The following EHMT1 variants were observed in gnomAD, a reference collection of about 807,000 sequenced individuals.
EHMT1 encodes histone-lysine N-methyltransferase EHMT1.
Under a neutral mutation model 147.2 loss-of-function variants are expected in EHMT1, and 15 were observed. The ratio of observed to expected loss-of-function variants is 0.10; its 90% CI spans 0.07 to 0.16. The LOEUF (loss-of-function observed/expected upper bound fraction) is 0.16, where lower values mean the gene tolerates loss of function less well. EHMT1 is among the 10% of genes least tolerant of loss of function. The probability of loss-of-function intolerance (pLI) is 1.00; values close to 1 mark genes in which losing one functional copy is unlikely to be tolerated. For missense variants in EHMT1, 1,587 were observed against 1,772.4 expected, an observed-to-expected ratio of 0.90 and a Z score of 1.88; for synonymous variants, 795 against 709.6, an observed-to-expected ratio of 1.12 and a Z score of -1.91.
At chr9:137,714,177 A>T (rs1014621068) in intron 2 of EHMT1, among the ~76,000 whole-genome samples, 5 of 152,144 alleles carry the variant, frequency 3.3e-5, no homozygotes, top group African/African-American at 1.2e-4. Context: ...TACAGGGTTG[A>T]ATAGAAGTGG....
At chr9:137,832,876 A>G (rs531063442) in intron 25 of EHMT1, 1 of 152,376 alleles carries the variant, frequency 6.6e-6, no homozygotes, top group East Asian at 1.9e-4. Context: ...TGCATTCTGC[A>G]CGAGGAGGGG....
At chr9:137,704,182 C>T (rs10867054) in intron 1 of EHMT1, among the ~76,000 whole-genome samples, 30,840 of 152,090 alleles carry the variant, frequency 0.2, 3,438 homozygotes, top group Admixed American at 0.32. Context: ...CCCCAATATT[C>T]GGGATTACAG....
At chr9:137,797,109 C>T (rs1428408964) in intron 16 of EHMT1, among the ~76,000 whole-genome samples, 1 of 152,006 alleles carries the variant, frequency 6.6e-6, no homozygotes, top group Admixed American at 6.6e-5. Context: ...ATAGTGATAA[C>T]TTCTCGGAAG....
chr9:137,631,705 G>A (rs139589774), intron 1 of EHMT1, among the ~76,000 whole-genome samples: 3 of 151,974 alleles, frequency 2.0e-5, no homozygotes, highest in African/African-American at 7.3e-5. Flanking sequence ...ATGAGACCCT[G>A]TCTCTACAAA....
intron 3 of EHMT1, among the ~76,000 whole-genome samples, chr9:137,717,619 A>AAAAAAAG (rs999221109): frequency 6.9e-6 from 1 of 144,468 alleles, no homozygotes; most frequent in Non-Finnish European, 1.5e-5. Flanking sequence ...AAAAAAAAAA[A>AAAAAAAG]AAAAAAAGAG....
At chr9:137,780,350 A>C (rs1014129635) in intron 14 of EHMT1, among the ~76,000 whole-genome samples, 1 of 76,926 alleles carries the variant, frequency 1.3e-5, no homozygotes, top group African/African-American at 5.2e-5. Context: ...GATGACGCTG[A>C]GACGTGTGGT....
chr9:137,657,491 C>T (rs2134027929), intron 1 of EHMT1, among the ~76,000 whole-genome samples: 1 of 146,834 alleles, frequency 6.8e-6, no homozygotes, highest in Admixed American at 6.8e-5. Flanking sequence ...GCCAGTGCAC[C>T]TGGTTGCTTT....
intron 6 of EHMT1, 46 bp downstream of exon 6, chr9:137,744,136 AAAGTT>A (rs750503532): frequency 6.2e-7 from 1 of 1,610,162 alleles, no homozygotes; most frequent in South Asian, 1.1e-5. Flanking sequence ...AGAGCATCAC[AAAGTT>A]GGCCGTGGTT....
At chr9:137,703,566 G>A (rs1400331624) in intron 1 of EHMT1, among the ~76,000 whole-genome samples, 2 of 152,056 alleles carry the variant, frequency 1.3e-5, no homozygotes, top group African/African-American at 4.8e-5. Flanking sequence ...CTTAGAGCAG[G>A]GACACAGTGC....
chr9:137,684,104 C>T (rs575198237), intron 1 of EHMT1, among the ~76,000 whole-genome samples: 7 of 151,976 alleles, frequency 4.6e-5, no homozygotes, highest in Admixed American at 2.6e-4. Flanking sequence ...GTTGCAGTCA[C>T]GGCTCACTGT....
intron 8 of EHMT1, among the ~76,000 whole-genome samples, chr9:137,756,829 T>C (rs1949412806): frequency 6.6e-6 from 1 of 152,258 alleles, no homozygotes; most frequent in African/African-American, 2.4e-5. Flanking sequence ...CGTTTAAAAC[T>C]ATACAAAGTG....
In EHMT1 at chr9:137,832,423, A is replaced by T. The variant is rs115681238; in HGVS notation, c.3541-1926A>T. Reference sequence around the variant, plus strand: ...GCCCCGCCTCCCACGTGGCCACTGCACTTTGCTCCCATCCTAGGATTGGCT... The same window carrying T: ...GCCCCGCCTCCCACGTGGCCACTGCTCTTTGCTCCCATCCTAGGATTGGCT... On this transcript the variant is annotated intron_variant, in intron 25 of 26. Coordinates refer to ENST00000460843, the MANE Select transcript of EHMT1 (RefSeq NM_024757.5). Among the ~76,000 whole-genome samples, 207 of 124,618 alleles carry T rather than the reference A, an allele frequency of 1.7e-3. 6 individuals are homozygous for T. The highest frequency in any genetic ancestry group is 6.3e-3 in the African/African-American group (195 of 31,078). 81.8% of individuals were successfully genotyped at this position (124,618 alleles called of 152,430 possible).
intron 16 of EHMT1, among the ~76,000 whole-genome samples, 184 bp from the exon 17 acceptor site, chr9:137,798,629 G>A (rs952199920): frequency 6.6e-6 from 1 of 152,144 alleles, no homozygotes; most frequent in Non-Finnish European, 1.5e-5. Flanking sequence ...GGGCCACAGG[G>A]GGCTGCACAC....
At chr9:137,670,269 C>T (rs1184598499) in intron 1 of EHMT1, among the ~76,000 whole-genome samples, 2 of 152,060 alleles carry the variant, frequency 1.3e-5, no homozygotes, top group Admixed American at 6.6e-5. Context: ...GTGTGTGCAT[C>T]CTCCCTCATT....
At chr9:137,633,318 C>CTT (rs1008810896) in intron 1 of EHMT1, among the ~76,000 whole-genome samples, 1 of 145,290 alleles carries the variant, frequency 6.9e-6, no homozygotes, top group Non-Finnish European at 1.5e-5. Flanking sequence ...TAATTGACTA[C>CTT]TTTTTTTTTT....
At chr9:137,733,659 A>G (rs1231063208) in intron 4 of EHMT1, among the ~76,000 whole-genome samples, 1 of 152,228 alleles carries the variant, frequency 6.6e-6, no homozygotes, top group Non-Finnish European at 1.5e-5. Context: ...CCTTGTCCCC[A>G]GGTGCATACA....
intron 1 of EHMT1, among the ~76,000 whole-genome samples, chr9:137,672,975 C>G (rs1940854782): frequency 6.6e-6 from 1 of 152,194 alleles, no homozygotes; most frequent in Non-Finnish European, 1.5e-5. Flanking sequence ...AGGTTTAAGC[C>G]TGCATTTACA....
chr9:137,743,859 C>A (rs377665858), intron 5 of EHMT1, 43 bp from the exon 6 acceptor site: 6 of 1,572,284 alleles, frequency 3.8e-6, no homozygotes, highest in Admixed American at 1.9e-5. Flanking sequence ...GTTCATGATG[C>A]GCACTGATCC....
chr9:137,767,840 A>G (rs1031099898), intron 10 of EHMT1, among the ~76,000 whole-genome samples: 1 of 152,204 alleles, frequency 6.6e-6, no homozygotes, highest in Non-Finnish European at 1.5e-5. Flanking sequence ...AAAATGCCTC[A>G]GTGAACATTT....
Sources: allele counts gnomAD v4.1 joint callset (sites outside exome capture counted in the v4.1 genomes callset), GRCh38; gene constraint gnomAD v4.1.1; transcripts MANE v1.5; gene names NCBI Gene and HGNC (gene_info 2026-07-23, HGNC 2026-07-21).